ZFYVE9: variants seen among roughly 807,000 people sequenced by gnomAD.
ZFYVE9 encodes zinc finger FYVE domain-containing protein 9.
In ZFYVE9, 43 loss-of-function variants were observed where a neutral mutation model predicts 126.7. The ratio of observed to expected loss-of-function variants is 0.34; its 90% CI spans 0.27 to 0.44. The LOEUF is 0.44. ZFYVE9 is among the 20% of genes least tolerant of loss of function. The pLI, the probability that ZFYVE9 is intolerant of heterozygous loss-of-function variation, is 1.00. For synonymous variants in ZFYVE9, 521 were observed against 597.4 expected (o/e 0.87, Z 1.87); for missense variants, 1,476 against 1,697.0 (o/e 0.87, Z 2.29).
chr1:52,322,246 T>C (rs980147722), intron 13 of ZFYVE9, among the ~76,000 whole-genome samples: 2 of 152,198 alleles, frequency 1.3e-5, no homozygotes, highest in South Asian at 4.1e-4. Flanking sequence ...AATATATCTA[T>C]AATCCAGCTG....
intron 1 of ZFYVE9, among the ~76,000 whole-genome samples, chr1:52,158,590 C>G (rs1644425179): frequency 1.3e-5 from 2 of 152,136 alleles, no homozygotes; most frequent in Admixed American, 6.5e-5. Context: ...AACAAACCTG[C>G]CTTGGCTGAG....
intron 1 of ZFYVE9, among the ~76,000 whole-genome samples, chr1:52,204,902 C>T (rs1031765278): frequency 6.6e-6 from 1 of 152,032 alleles, no homozygotes. Context: ...GCAGAGTTGT[C>T]CACACTAAGC....
At chr1:52,330,573 TCATG>T (rs1646331540) in intron 13 of ZFYVE9, among the ~76,000 whole-genome samples, 1 of 152,206 alleles carries the variant, frequency 6.6e-6, no homozygotes, top group Non-Finnish European at 1.5e-5. Context: ...TGTAAAACTG[TCATG>T]CATGGGTGGG....
At chr1:52,187,479 A>G (rs1204553806) in intron 1 of ZFYVE9, among the ~76,000 whole-genome samples, 2 of 152,184 alleles carry the variant, frequency 1.3e-5, no homozygotes, top group Non-Finnish European at 1.5e-5. Flanking sequence ...ATCTAATTAA[A>G]CTTAAGAGTT....
chr1:52,293,920 C>A (rs146725994), intron 11 of ZFYVE9, among the ~76,000 whole-genome samples: 2 of 152,264 alleles, frequency 1.3e-5, no homozygotes, highest in Non-Finnish European at 2.9e-5. Flanking sequence ...AAAACACGAT[C>A]ATCTTTAGAA....
intron 1 of ZFYVE9, among the ~76,000 whole-genome samples, chr1:52,154,437 G>C (rs778801187): frequency 1.4e-4 from 22 of 152,230 alleles, no homozygotes; most frequent in South Asian, 6.2e-4. Flanking sequence ...TTCTGCCACA[G>C]TGACCTCTCC....
intron 1 of ZFYVE9, among the ~76,000 whole-genome samples, chr1:52,177,397 C>T (rs1375341964): frequency 6.6e-6 from 1 of 152,182 alleles, no homozygotes; most frequent in African/African-American, 2.4e-5. Flanking sequence ...ATCCATCCGC[C>T]TCGCCGCACA....
In ZFYVE9 at chr1:52,238,949, G is replaced by A. The variant is rs1464470142; in HGVS notation, c.1532G>A (p.Ser511Asn). The change falls in exon 4 of 19, where the codon AGC becomes AAC. Residue 511 changes from serine (S) to asparagine (N), a missense_variant. Transcript: ENST00000287727. Reference sequence around the variant, plus strand: ...ACAGAAGAAAAAGAAATAGAGGAAAGCAAGTCAGAATGCTACTCAAATATT... The same window carrying A: ...ACAGAAGAAAAAGAAATAGAGGAAAACAAGTCAGAATGCTACTCAAATATT... ...SVTEEKEIEE[S>N]KSECYSNIYE... The A allele has an allele frequency of 1.2e-6, 2 of 1,613,922 alleles. No individual in the cohort carries two copies. Among genetic ancestry groups the A allele is most frequent in the Admixed American group, 1.7e-5 (1 of 59,958 alleles).
chr1:52,235,695 A>G (rs1008396720), intron 3 of ZFYVE9, among the ~76,000 whole-genome samples: 8 of 152,040 alleles, frequency 5.3e-5, no homozygotes, highest in African/African-American at 1.4e-4. Context: ...TTAAATTCTT[A>G]TATTTGGGGA....
chr1:52,178,403 C>T (rs1644661865), intron 1 of ZFYVE9, among the ~76,000 whole-genome samples: 1 of 146,652 alleles, frequency 6.8e-6, no homozygotes, highest in Non-Finnish European at 1.5e-5. Context: ...ACGATCTTGG[C>T]TCACTGTAAC....
At chr1:52,279,730 A>G (rs1645783735) in intron 9 of ZFYVE9, among the ~76,000 whole-genome samples, 1 of 152,156 alleles carries the variant, frequency 6.6e-6, no homozygotes, top group Non-Finnish European at 1.5e-5. Flanking sequence ...TGGTCTCCCA[A>G]AGTGCTGGGA....
intron 13 of ZFYVE9, among the ~76,000 whole-genome samples, chr1:52,328,727 A>T (rs2147866250): frequency 6.6e-6 from 1 of 152,338 alleles, no homozygotes; most frequent in Middle Eastern, 3.4e-3. Context: ...TAAATTGCAA[A>T]TGAGAACCTA....
In ZFYVE9 at chr1:52,288,889, G is replaced by A. The variant is rs574278869; in HGVS notation, c.3026-4564G>A. Among the ~76,000 whole-genome samples, 9 of 133,634 alleles carry A rather than the reference G, an allele frequency of 6.7e-5. No homozygotes were observed. The South Asian group carries it at 2.1e-3, about 32-fold the overall frequency. The allele number at this position is 133,634 out of a possible 152,430, so 87.7% of individuals were successfully genotyped here. ...TTCAGTGAGCTGGGATCACGCCACT[G>A]TACTCCAGCCTGGGTGACAGAGCGA... On this transcript the variant is annotated intron_variant, in intron 10 of 18. Transcript: ENST00000287727.
rs554403320 is a variant in ZFYVE9, at chr1:52,242,753, A to C, written c.2178+3158A>C. Among the ~76,000 whole-genome samples, 8 of 152,326 alleles carry C rather than the reference A, an allele frequency of 5.3e-5. No individual in the cohort carries two copies. The South Asian group carries it at 1.4e-3, about 28-fold the overall frequency. ...GAGAGTAGTAAGTAGCTGCTTTAGA[A>C]TATTACATGGCAATTCACAGTTTCC... On this transcript the variant is annotated intron_variant, in intron 4 of 18. Coordinates refer to ENST00000287727, the MANE Select transcript of ZFYVE9 (RefSeq NM_004799.4).
intron 8 of ZFYVE9, among the ~76,000 whole-genome samples, chr1:52,276,543 A>T (rs974850134): frequency 6.6e-6 from 1 of 152,188 alleles, no homozygotes; most frequent in African/African-American, 2.4e-5. Context: ...CATTGTGGTT[A>T]TTAAGTTAGA....
At chr1:52,310,268 G>T (rs1413408459) in intron 13 of ZFYVE9, among the ~76,000 whole-genome samples, 1 of 152,038 alleles carries the variant, frequency 6.6e-6, no homozygotes, top group African/African-American at 2.4e-5. Context: ...GCCTCATGTT[G>T]TTACAATGAG....
intron 4 of ZFYVE9, among the ~76,000 whole-genome samples, chr1:52,261,446 A>T (rs1645579544): frequency 6.6e-6 from 1 of 151,824 alleles, no homozygotes; most frequent in Non-Finnish European, 1.5e-5. Context: ...AAACCCTTGC[A>T]CTAAATTGCA....
chr1:52,163,637 T>G (rs1283835101), intron 1 of ZFYVE9, among the ~76,000 whole-genome samples: 1 of 152,214 alleles, frequency 6.6e-6, no homozygotes, highest in Non-Finnish European at 1.5e-5. Flanking sequence ...TTTCTTTATA[T>G]CCATCACATA....
intron 1 of ZFYVE9, among the ~76,000 whole-genome samples, chr1:52,157,278 G>T (rs1373402395): frequency 6.6e-6 from 1 of 151,632 alleles, no homozygotes; most frequent in Non-Finnish European, 1.5e-5. Flanking sequence ...GGTTTTTATT[G>T]GTGCAATCAC....
Sources: gnomAD v4.1 joint callset for allele counts (sites outside exome capture counted in the v4.1 genomes callset) on GRCh38, gnomAD v4.1.1 for gene constraint, MANE v1.5 for transcripts, NCBI Gene and HGNC (gene_info 2026-07-23, HGNC 2026-07-21) for gene names.